Variants in PAPSS2 observed in about 807,000 individuals in gnomAD.
PAPSS2 encodes the protein 3'-phosphoadenosine 5'-phosphosulfate synthase 2, also known as bifunctional 3'-phosphoadenosine 5'-phosphosulfate synthase 2.
PAPSS2 carries 61 observed loss-of-function variants against 66.5 expected under a neutral mutation model. That is an observed-to-expected ratio of 0.92 (90% CI 0.75 to 1.14). The LOEUF (loss-of-function observed/expected upper bound fraction) is 1.14. Among genes scored for constraint, PAPSS2 ranks in the 50% most tolerant of loss-of-function variants. The pLI is 0.00. For synonymous variants in PAPSS2, 289 were observed against 287.5 expected, an observed-to-expected ratio of 1.01 and a Z score of -0.05; for missense variants, 708 against 789.6, an observed-to-expected ratio of 0.90 and a Z score of 1.24.
intron 1 of PAPSS2, among the ~76,000 whole-genome samples, chr10:87,662,999 C>T (rs1420773406): frequency 6.6e-6 from 1 of 151,732 alleles, no homozygotes; most frequent in African/African-American, 2.4e-5. Context: ...TTGCCCCAGC[C>T]TCCCAAGTAG....
chr10:87,739,302 A>G (rs988229218), intron 9 of PAPSS2, among the ~76,000 whole-genome samples: 1 of 152,190 alleles, frequency 6.6e-6, no homozygotes, highest in Non-Finnish European at 1.5e-5. Flanking sequence ...TACCCTTGTC[A>G]AAGATTATTT....
rs367885911 is a variant in PAPSS2 at position 87,713,312 on chromosome 10, T to TAAAAAAAAAAAAAAAAAAAAAAAAAA, written c.381+24_381+25insAAAAAAAAAAAAAAAAAAAAAAAAAA. ...AGCTTTATTTCTCCATTCGCAAAGG[T>TAAAAAAAAAAAAAAAAAAAAAAAAAA]AAAAAAAAAAAAAAAAAAAAAAGGC... On this transcript the variant is annotated splice_region_variant and intron_variant, in intron 3 of 12. Coordinates refer to ENST00000456849, the MANE Select transcript of PAPSS2 (RefSeq NM_001015880.2). The TAAAAAAAAAAAAAAAAAAAAAAAAAA allele has an allele frequency of 1.8e-4, 102 of 575,146 alleles. 4 individuals are homozygous for TAAAAAAAAAAAAAAAAAAAAAAAAAA. The highest frequency in any genetic ancestry group is 1.3e-3 in the East Asian group (25 of 18,768). 35.6% of individuals were successfully genotyped at this position (575,146 alleles called of 1,614,324 possible).
chr10:87,682,061 G>A (rs1019082051), intron 1 of PAPSS2, among the ~76,000 whole-genome samples: 2 of 152,210 alleles, frequency 1.3e-5, no homozygotes, highest in African/African-American at 4.8e-5. Flanking sequence ...GAAGGGACAT[G>A]ATTCTGGGCC....
chr10:87,662,425 TTTATA>T (rs1247165109), intron 1 of PAPSS2, among the ~76,000 whole-genome samples: 5 of 152,154 alleles, frequency 3.3e-5, no homozygotes, highest in African/African-American at 1.2e-4. Context: ...TAAGTGTTCT[TTTATA>T]AAGGAAGGTA....
chr10:87,714,861 C>A lies in PAPSS2; in HGVS notation c.637C>A (p.Gln213Lys). The part of the protein sequence containing the change: ...VHQVVELLQE[Q>K]NIVPYTIIKD... ...CCAGGTAGTGGAACTTCTGCAAGAG[C>A]AGGTAGGTGAACCGGTTGTCTTTTT... The change falls in exon 5 of 13, where the codon CAG (glutamine) becomes AAG (lysine). Residue 213 changes from glutamine (Q) to lysine (K), a missense_variant and splice_region_variant. By Grantham distance (53) the Gln-to-Lys change is moderately conservative. Coordinates refer to ENST00000456849, the MANE Select transcript of PAPSS2 (RefSeq NM_001015880.2). 6.3e-7 allele frequency: 1 copy of A among 1,585,358 alleles called. No individual in the cohort carries two copies. Among genetic ancestry groups the A allele is most frequent in the Non-Finnish European group, 8.7e-7 (1 of 1,153,798 alleles).
At chr10:87,660,122 G>GAGGA in intron 1 of PAPSS2, 114 bp downstream of exon 1, 1 of 1,054,340 alleles carries the variant, frequency 9.5e-7, no homozygotes, top group Non-Finnish European at 1.4e-6. Context: ...GCGTCGGGAG[G>GAGGA]AGGAGTAAGA....
intron 1 of PAPSS2, among the ~76,000 whole-genome samples, chr10:87,706,104 A>ATGTGTGTGTG (rs1440508568): frequency 3.8e-5 from 3 of 78,082 alleles, no homozygotes; most frequent in Admixed American, 1.2e-4. Context: ...ATATATATAT[A>ATGTGTGTGTG]TATATGTGTG....
chr10:87,738,914 T>C (rs1273037463), intron 9 of PAPSS2, among the ~76,000 whole-genome samples: 5 of 152,220 alleles, frequency 3.3e-5, no homozygotes, highest in Admixed American at 2.6e-4. Context: ...TTTTTATATA[T>C]TCTGGATATT....
intron 1 of PAPSS2, among the ~76,000 whole-genome samples, chr10:87,706,108 A>ATATATATATATATG: frequency 3.8e-5 from 2 of 52,002 alleles, no homozygotes; most frequent in African/African-American, 2.0e-4. Context: ...ATATATATAT[A>ATATATATATATATG]TGTGTGTGTG....
At chr10:87,673,742 C>T (rs1376232930) in intron 1 of PAPSS2, among the ~76,000 whole-genome samples, 1 of 111,088 alleles carries the variant, frequency 9.0e-6, no homozygotes, top group Non-Finnish European at 1.8e-5. Flanking sequence ...GGTACCACTT[C>T]GTTTTATGCC....
intron 11 of PAPSS2, among the ~76,000 whole-genome samples, chr10:87,743,957 C>T (rs1853905633): frequency 6.6e-6 from 1 of 152,124 alleles, no homozygotes; most frequent in Admixed American, 6.5e-5. Flanking sequence ...CAAAAATTAG[C>T]TGGGCATAGT....
At chr10:87,679,717 A>G (rs1485873945) in intron 1 of PAPSS2, among the ~76,000 whole-genome samples, 2 of 152,190 alleles carry the variant, frequency 1.3e-5, no homozygotes, top group Non-Finnish European at 2.9e-5. Flanking sequence ...TAGAACTCCT[A>G]TAAATCAATA....
chr10:87,703,212 C>A (rs1219537133), intron 1 of PAPSS2, among the ~76,000 whole-genome samples: 1 of 151,724 alleles, frequency 6.6e-6, no homozygotes, highest in Non-Finnish European at 1.5e-5. Context: ...AATTGGTGAA[C>A]CTTAGTGTAG....
chr10:87,679,241 G>C (rs1191169050), intron 1 of PAPSS2, among the ~76,000 whole-genome samples: 3 of 152,180 alleles, frequency 2.0e-5, no homozygotes, highest in African/African-American at 7.2e-5. Flanking sequence ...ATATCATCAA[G>C]GTAGAGAGTA....
At chr10:87,713,758 G>A (rs1204168249) in intron 3 of PAPSS2, among the ~76,000 whole-genome samples, 1 of 152,084 alleles carries the variant, frequency 6.6e-6, no homozygotes, top group Non-Finnish European at 1.5e-5. Context: ...GAAATTTCTG[G>A]GAGCCAAACA....
chr10:87,732,652 C>T lies in PAPSS2; in HGVS notation c.1086+5163C>T, dbSNP rs560076364. ...GGAAACCAAAAAATTTGTGTGACTC[C>T]GTTTATTACAATATTCACTTTATTG... On this transcript the variant is annotated intron_variant, in intron 9 of 12. Transcript: ENST00000456849. Among the ~76,000 whole-genome samples, 24 of 152,198 alleles carry T rather than the reference C, an allele frequency of 1.6e-4. No individual in the cohort carries two copies. The South Asian group carries it at 4.2e-3, about 26-fold the overall frequency.
intron 1 of PAPSS2, among the ~76,000 whole-genome samples, chr10:87,694,587 T>C (rs1235132673): frequency 6.6e-6 from 1 of 152,284 alleles, no homozygotes; most frequent in East Asian, 1.9e-4. Context: ...CAGGAAATCA[T>C]AAACAGACCT....
At chr10:87,673,482 T>A (rs7074554) in intron 1 of PAPSS2, among the ~76,000 whole-genome samples, 2,653 of 152,068 alleles carry the variant, frequency 0.017, 75 homozygotes, top group African/African-American at 0.06. Context: ...CATATTCTCT[T>A]TATAAAAATT....
chr10:87,679,092 C>T (rs1852984833), intron 1 of PAPSS2, among the ~76,000 whole-genome samples: 1 of 152,126 alleles, frequency 6.6e-6, no homozygotes, highest in Admixed American at 6.5e-5. Context: ...GAATACTATT[C>T]AGCCATAAAA....
Sources: gnomAD v4.1 joint callset for allele counts (sites outside exome capture counted in the v4.1 genomes callset) on GRCh38, gnomAD v4.1.1 for gene constraint, MANE v1.5 for transcripts, NCBI Gene and HGNC (gene_info 2026-07-23, HGNC 2026-07-21) for gene names.